PON3: variants seen among roughly 807,000 people sequenced by gnomAD.
PON3 encodes paraoxonase 3.
In PON3, 37 loss-of-function variants were observed where a neutral mutation model predicts 36.3. The ratio of observed to expected loss-of-function variants is 1.02; its 90% CI spans 0.78 to 1.34. The LOEUF (loss-of-function observed/expected upper bound fraction) is 1.34, where lower values mean the gene tolerates loss of function less well. PON3 is among the 40% of genes most tolerant of loss of function. The pLI, the probability that PON3 is intolerant of heterozygous loss-of-function variation, is 0.00. For synonymous variants in PON3, 155 were observed against 154.8 expected (o/e 1.00, Z -0.01); for missense variants, 415 against 426.5 (o/e 0.97, Z 0.24).
chr7:95,391,127 C>T (rs1809308816), intron 2 of PON3, among the ~76,000 whole-genome samples: 1 of 152,202 alleles, frequency 6.6e-6, no homozygotes, highest in Admixed American at 6.5e-5. Flanking sequence ...CCCCTACAGG[C>T]ACTCTGATAA....
At chr7:95,363,650 C>A (rs1808626283) in intron 6 of PON3, 1 of 598,064 alleles carries the variant, frequency 1.7e-6, no homozygotes. Flanking sequence ...ATCCTTAAGT[C>A]CACATCCCTC....
chr7:95,382,502 A>T (rs949717681), intron 3 of PON3, among the ~76,000 whole-genome samples: 1 of 152,242 alleles, frequency 6.6e-6, no homozygotes, highest in African/African-American at 2.4e-5. Context: ...TAGATGCAAT[A>T]AAAAATGATA....
chr7:95,385,969 A>T (rs765824284), intron 3 of PON3, among the ~76,000 whole-genome samples: 159 of 152,306 alleles, frequency 1.0e-3, no homozygotes, highest in Non-Finnish European at 1.8e-3. Context: ...AGCAGGAAAG[A>T]TCTAAAATCG....
chr7:95,360,021 T>C lies in PON3; in HGVS notation c.1017A>G (p.Lys339=). 1 of 1,613,834 alleles carries C rather than the reference T, an allele frequency of 6.2e-7. No individual in the cohort carries two copies. Among genetic ancestry groups the C allele is most frequent in the East Asian group, 2.2e-5 (1 of 44,858 alleles). ...TGTGAAATACGGTGCCTATGAGAATTTTCCCATGGTACACAGAAGCCACAG... is the reference window on the plus strand; with the variant it reads ...TGTGAAATACGGTGCCTATGAGAATCTTCCCATGGTACACAGAAGCCACAG... ...GTSVASVYHG[K]ILIGTVFHKT... The change falls in exon 9 of 9, where the codon AAA becomes AAG. Residue 339 remains lysine, a synonymous_variant. Coordinates refer to ENST00000265627, the MANE Select transcript of PON3 (RefSeq NM_000940.3).
intron 8 of PON3, 112 bp downstream of exon 8, chr7:95,362,250 A>T: frequency 7.0e-7 from 1 of 1,422,956 alleles, no homozygotes. Flanking sequence ...CATACGTAAA[A>T]TTTCTTTAGT....
intron 4 of PON3, among the ~76,000 whole-genome samples, chr7:95,370,776 A>T: frequency 6.6e-6 from 1 of 152,116 alleles, no homozygotes; most frequent in South Asian, 2.1e-4. Flanking sequence ...GTATATTGAT[A>T]ACTTATGTTT....
At chr7:95,382,874 C>T (rs147094038) in intron 3 of PON3, among the ~76,000 whole-genome samples, 1,909 of 152,228 alleles carry the variant, frequency 0.013, 18 homozygotes, top group Non-Finnish European at 0.019. Flanking sequence ...CATCCTGATA[C>T]CAAGGCCTGG....
chr7:95,372,144 C>A, intron 4 of PON3, 29 bp downstream of exon 4: 1 of 1,602,340 alleles, frequency 6.2e-7, no homozygotes, highest in Admixed American at 1.7e-5. Flanking sequence ...CCCTCATTTC[C>A]CCCTTATCCC....
At position 95,386,728 on chromosome 7, in the gene PON3, C is replaced by T. The variant is rs115906933; in HGVS notation, c.201+3426G>A. ...CCTGATGAACATTGATGCGAAAATC[C>T]TCCCTCAAAAAAATACTGGCAAACC... On this transcript the variant is annotated intron_variant, in intron 3 of 8. Transcript: ENST00000265627. 4.5e-3 allele frequency among the ~76,000 whole-genome samples: 684 copies of T among 151,888 alleles called. 3 individuals carry two copies. Among genetic ancestry groups the T allele is most frequent in the African/African-American group, 0.016 (642 of 41,414 alleles).
At chr7:95,373,992 A>G (rs959017559) in intron 3 of PON3, among the ~76,000 whole-genome samples, 1 of 152,096 alleles carries the variant, frequency 6.6e-6, no homozygotes, top group African/African-American at 2.4e-5. Context: ...TGCAAACCCT[A>G]TTGTGAACTG....
chr7:95,362,451 C>G lies in PON3; in HGVS notation c.817G>C (p.Asp273His), dbSNP rs748765744. 2 of 1,613,614 alleles carry G rather than the reference C, an allele frequency of 1.2e-6. No individual in the cohort carries two copies. The highest frequency in any genetic ancestry group is 2.7e-5 in the African/African-American group (2 of 75,012). ...GCCAAAATGTCTCCTGTGGCAGGAT[C>G]GACAGTCAGGTTATCCACTAAGGTG... is the stretch of plus-strand genomic sequence containing the variant. Reference protein sequence around the residue: ...LGTLVDNLTVDPATGDILAGC... With the variant: ...LGTLVDNLTVHPATGDILAGC... Residue 273 changes from aspartate (D) to histidine (H), a missense_variant, in exon 8 of 9, where the codon GAT becomes CAT. Transcript: ENST00000265627.
intron 5 of PON3, chr7:95,364,894 T>A (rs1808657249): frequency 6.6e-6 from 1 of 152,182 alleles, no homozygotes; most frequent in Non-Finnish European, 1.5e-5. Flanking sequence ...AAGTCATTTT[T>A]ATTTTTGAAA....
At chr7:95,371,305 T>A (rs543871301) in intron 4 of PON3, among the ~76,000 whole-genome samples, 27 of 152,176 alleles carry the variant, frequency 1.8e-4, no homozygotes, top group African/African-American at 5.8e-4. Flanking sequence ...CTCTTGAGCA[T>A]ACACCAAGGT....
In PON3 at chr7:95,394,732, C is replaced by T. The variant is rs958433803; in HGVS notation, c.75-18G>A. 1 of 1,611,112 alleles carries T rather than the reference C, an allele frequency of 6.2e-7. No individual in the cohort carries two copies. Among genetic ancestry groups the T allele is most frequent in the Admixed American group, 1.7e-5 (1 of 60,028 alleles). On this transcript the variant is annotated intron_variant, in intron 1 of 8. Coordinates refer to ENST00000265627, the MANE Select transcript of PON3 (RefSeq NM_000940.3). ...CCCTTTCTCTGTAGAAGATAAAACC[C>T]AACCCTGGAAGTCAAGGCACAGCAT...
At chr7:95,373,966 T>C (rs774038806) in intron 3 of PON3, among the ~76,000 whole-genome samples, 1 of 152,138 alleles carries the variant, frequency 6.6e-6, no homozygotes, top group Non-Finnish European at 1.5e-5. Context: ...GCAGTGGCAT[T>C]AAATTCTCAT....
At chr7:95,388,603 G>C (rs1003773561) in intron 3 of PON3, among the ~76,000 whole-genome samples, 5 of 152,180 alleles carry the variant, frequency 3.3e-5, no homozygotes, top group Admixed American at 6.5e-5. Flanking sequence ...ATACCCAAAG[G>C]ATTATAAATC....
chr7:95,376,060 T>C (rs946736239), intron 3 of PON3, among the ~76,000 whole-genome samples: 1 of 152,190 alleles, frequency 6.6e-6, no homozygotes, highest in East Asian at 1.9e-4. Context: ...TTCAAGGATC[T>C]TGAAACCTAG....
At chr7:95,388,515 G>A (rs1297390104) in intron 3 of PON3, among the ~76,000 whole-genome samples, 1 of 152,194 alleles carries the variant, frequency 6.6e-6, no homozygotes, top group Non-Finnish European at 1.5e-5. Flanking sequence ...TTCAACCATT[G>A]TGGAAGACCG....
At chr7:95,390,690 T>C (rs1468014330) in intron 2 of PON3, among the ~76,000 whole-genome samples, 3 of 152,206 alleles carry the variant, frequency 2.0e-5, no homozygotes, top group South Asian at 2.1e-4. Context: ...TGGGAAATTA[T>C]TGAGTAATAA....
Sources: gnomAD v4.1 joint callset for allele counts (sites outside exome capture counted in the v4.1 genomes callset) on GRCh38, gnomAD v4.1.1 for gene constraint, MANE v1.5 for transcripts, NCBI Gene and HGNC (gene_info 2026-07-23, HGNC 2026-07-21) for gene names.